NDUFAF4: variants seen among roughly 807,000 people sequenced by gnomAD.
NDUFAF4 encodes NADH dehydrogenase [ubiquinone] 1 alpha subcomplex assembly factor 4.
NDUFAF4 carries 10 observed loss-of-function variants against 15.6 expected under a neutral mutation model. The ratio of observed to expected loss-of-function variants is 0.64; its 90% confidence interval spans 0.40 to 1.09. The LOEUF (loss-of-function observed/expected upper bound fraction) is 1.09, where lower values mean the gene tolerates loss of function less well. Ranked by LOEUF, NDUFAF4 falls within the 50% of genes least tolerant of loss-of-function variation. NDUFAF4 has a pLI of 0.01. For missense variants in NDUFAF4, 203 were observed against 207.3 expected (o/e 0.98, Z 0.13); for synonymous variants, 77 against 73.3 (o/e 1.05, Z -0.26).
chr6:96,896,957 C>A (rs1775385049), intron 1 of NDUFAF4, 110 bp from the exon 2 acceptor site: 5 of 829,462 alleles, frequency 6.0e-6, no homozygotes, highest in Non-Finnish European at 1.0e-5. Flanking sequence ...GTCGGAGTCT[C>A]GCTCTGTTGC....
chr6:96,895,541 T>C (rs1775360951), intron 2 of NDUFAF4, among the ~76,000 whole-genome samples: 1 of 152,230 alleles, frequency 6.6e-6, no homozygotes, highest in South Asian at 2.1e-4. Flanking sequence ...TACGTATCTC[T>C]TTACGCATTA....
chr6:96,897,612 G>A, intron 1 of NDUFAF4, 54 bp downstream of exon 1: 1 of 1,609,980 alleles, frequency 6.2e-7, no homozygotes, highest in Non-Finnish European at 8.5e-7. Context: ...GGGACAGCCG[G>A]GCAGCACAGG....
chr6:96,891,086 A>T lies in NDUFAF4; in HGVS notation c.*18T>A. On this transcript the variant is annotated 3_prime_UTR_variant, in exon 3 of 3. Coordinates refer to ENST00000316149, the MANE Select transcript of NDUFAF4 (RefSeq NM_014165.4). ...AGGAGGGATGAGGAGTACACATAGG[A>T]AATTTCTGTGATTTTCTTCATTTTG... The T allele has an allele frequency of 6.2e-7, 1 of 1,609,202 alleles. No homozygotes were observed. The highest frequency in any genetic ancestry group is 8.5e-7 in the Non-Finnish European group (1 of 1,177,654).
intron 2 of NDUFAF4, among the ~76,000 whole-genome samples, chr6:96,892,866 C>T (rs1344854292): frequency 6.6e-6 from 1 of 152,130 alleles, no homozygotes; most frequent in Non-Finnish European, 1.5e-5. Flanking sequence ...CTCTAACTTC[C>T]ATTACTGCCT....
rs1775309979 is a variant in NDUFAF4, at chr6:96,891,171, T to C, written c.461A>G (p.Lys154Arg). 5 of 1,613,032 alleles carry C rather than the reference T, an allele frequency of 3.1e-6. No homozygotes were observed. The Admixed American group carries it at 8.3e-5, about 27-fold the overall frequency. The part of the protein sequence containing the change: ...LEQKDVNSLL[K>R]YFVTFEVEIF... ...TTCGACTTCAAAAGTAACAAAATAT[T>C]TAAGAAGAGAATTCACATCTTTCTG... The change falls in exon 3 of 3, where the codon AAA becomes AGA. Residue 154 changes from lysine to arginine, a missense_variant. By Grantham distance (26) the Lys-to-Arg change is conservative. Transcript: ENST00000316149.
intron 1 of NDUFAF4, 120 bp from the exon 2 acceptor site, chr6:96,896,967 C>A: frequency 1.3e-6 from 1 of 776,952 alleles, no homozygotes; most frequent in Non-Finnish European, 2.2e-6. Flanking sequence ...CGCTCTGTTG[C>A]CCAGACTGGA....
rs747628919 is a variant in NDUFAF4, at chr6:96,891,396, T to C, written c.241-5A>G. The C allele has an allele frequency of 1.6e-5, 24 of 1,485,856 alleles. No individual in the cohort carries two copies. The South Asian group carries it at 2.2e-4, about 14-fold the overall frequency. 92.0% of individuals were successfully genotyped at this position (1,485,856 alleles called of 1,614,324 possible). A position where few individuals can be genotyped will look rare whatever the true frequency, so the allele number is the denominator to read the frequency against. On this transcript the variant is annotated splice_polypyrimidine_tract_variant and splice_region_variant and intron_variant, in intron 2 of 2. Transcript: ENST00000316149. ...ACATGTTTCAGCAGCTTTTACCTAG[T>C]ATCAAAAAAAAAAGGTTTTAGGATG...
intron 2 of NDUFAF4, among the ~76,000 whole-genome samples, chr6:96,892,316 C>T (rs931092602): frequency 1.3e-5 from 2 of 152,194 alleles, no homozygotes; most frequent in African/African-American, 4.8e-5. Context: ...TCTGTCCCAT[C>T]CCAGCTTAAT....
rs752031326 is a variant in NDUFAF4, at chr6:96,897,787, C to T, written c.15G>A (p.Val5=). 3.7e-6 allele frequency: 6 copies of T among 1,614,202 alleles called. No individual in the cohort carries two copies. The South Asian group carries it at 5.5e-5, about 15-fold the overall frequency. The part of the protein sequence containing the change: MGAL[V]IRGIRNFNLE... Reference sequence around the variant, plus strand: ...GGTTGAAATTCCTGATACCGCGAATCACTAGTGCTCCCATCTCCTCATAAC... The same window carrying T: ...GGTTGAAATTCCTGATACCGCGAATTACTAGTGCTCCCATCTCCTCATAAC... The change falls in exon 1 of 3, where the codon GTG becomes GTA. Residue 5 remains valine, a synonymous_variant. Coordinates refer to ENST00000316149, the MANE Select transcript of NDUFAF4 (RefSeq NM_014165.4).
At chr6:96,892,370 G>A (rs528685326) in intron 2 of NDUFAF4, among the ~76,000 whole-genome samples, 138 of 152,078 alleles carry the variant, frequency 9.1e-4, no homozygotes, top group Non-Finnish European at 1.5e-3. Flanking sequence ...TCCTAGCTAT[G>A]CCTATCATTC....
rs1020076657 is a variant in NDUFAF4 at position 96,890,219 on chromosome 6, C to T, written c.*885G>A. The T allele has an allele frequency of 7.9e-5, 12 of 152,032 alleles. No homozygotes were observed. Among genetic ancestry groups the T allele is most frequent in the African/African-American group, 2.9e-4 (12 of 41,410 alleles). The allele number at this position is 152,032 out of a possible 1,614,324, so 9.4% of individuals were successfully genotyped here. On this transcript the variant is annotated 3_prime_UTR_variant, in exon 3 of 3. Coordinates refer to ENST00000316149, the MANE Select transcript of NDUFAF4 (RefSeq NM_014165.4). ...TGATCCTGTTCTCTGCTTCTACTTG[C>T]TATCTTTTTCTCTTCTCTCAACTAG...
At chr6:96,896,371 G>A (rs1775372794) in intron 2 of NDUFAF4, among the ~76,000 whole-genome samples, 1 of 152,108 alleles carries the variant, frequency 6.6e-6, no homozygotes, top group Non-Finnish European at 1.5e-5. Context: ...GAGTCTCTGA[G>A]ATTAGAACAT....
Position 96,891,079 on chromosome 6 carries a change from A to C in NDUFAF4, c.*25T>G, listed in dbSNP as rs1402086291. 1 of 1,603,048 alleles carries C rather than the reference A, an allele frequency of 6.2e-7. No homozygotes were observed. Among genetic ancestry groups the C allele is most frequent in the African/African-American group, 1.3e-5 (1 of 74,654 alleles). ...ATACAGCAGGAGGGATGAGGAGTAC[A>C]CATAGGAAATTTCTGTGATTTTCTT... On this transcript the variant is annotated 3_prime_UTR_variant, in exon 3 of 3. Transcript: ENST00000316149.
In NDUFAF4 at chr6:96,889,605, A is replaced by C. The variant is rs1365662179; in HGVS notation, c.*1499T>G. The C allele has an allele frequency of 3.3e-5, 5 of 152,572 alleles. No individual in the cohort carries two copies. The highest frequency in any genetic ancestry group is 6.5e-5 in the Admixed American group (1 of 15,282). The allele number at this position is 152,572 out of a possible 1,614,324, so 9.5% of individuals were successfully genotyped here. Reference sequence around the variant, plus strand: ...AATCTACATTCAAAGTCATGCTTACAAATTTTCCACTTAGTCCATTTTTCT... The same window carrying C: ...AATCTACATTCAAAGTCATGCTTACCAATTTTCCACTTAGTCCATTTTTCT... On this transcript the variant is annotated 3_prime_UTR_variant, in exon 3 of 3. Transcript: ENST00000316149.
At chr6:96,893,850 C>T (rs1775341979) in intron 2 of NDUFAF4, among the ~76,000 whole-genome samples, 1 of 152,036 alleles carries the variant, frequency 6.6e-6, no homozygotes, top group African/African-American at 2.4e-5. Context: ...TTGAGACATC[C>T]TGTGGAAGGA....
chr6:96,895,180 C>G (rs1775356744), intron 2 of NDUFAF4, among the ~76,000 whole-genome samples: 1 of 151,910 alleles, frequency 6.6e-6, no homozygotes, highest in South Asian at 2.1e-4. Flanking sequence ...CATTTAATGC[C>G]AGATAAAGAT....
chr6:96,897,551 G>T, intron 1 of NDUFAF4, 115 bp downstream of exon 1: 1 of 1,457,012 alleles, frequency 6.9e-7, no homozygotes, highest in Non-Finnish European at 9.3e-7. Context: ...AACCCGAGCG[G>T]CTGCGGCCGA....
chr6:96,896,923 G>A (rs140054930), intron 1 of NDUFAF4, 76 bp from the exon 2 acceptor site: 2 of 1,068,806 alleles, frequency 1.9e-6, no homozygotes, highest in African/African-American at 1.6e-5. Flanking sequence ...TAACACAAAC[G>A]CTTTCTTTTA....
chr6:96,889,657 A>G lies in NDUFAF4; in HGVS notation c.*1447T>C, dbSNP rs116939090. 0.026 allele frequency: 3,921 copies of G among 152,690 alleles called. 77 individuals carry two copies. The highest frequency in any genetic ancestry group is 0.034 in the Non-Finnish European group (2,311 of 68,012). 9.5% of individuals were successfully genotyped at this position (152,690 alleles called of 1,614,324 possible). A position where few individuals can be genotyped will look rare whatever the true frequency, so the allele number is the denominator to read the frequency against. On this transcript the variant is annotated 3_prime_UTR_variant, in exon 3 of 3. Transcript: ENST00000316149. ...TTCTCAGCATTACTACAAATGCCTC[A>G]TTCCGTCATCACATTGAATTCTTCA...
Sources: allele counts gnomAD v4.1 joint callset (sites outside exome capture counted in the v4.1 genomes callset), GRCh38; gene constraint gnomAD v4.1.1; transcripts MANE v1.5; gene names NCBI Gene and HGNC (gene_info 2026-07-23, HGNC 2026-07-21).